The following AFG2A variants were observed in gnomAD, a reference collection of about 807,000 sequenced individuals.
AFG2A encodes the protein AAA ATPase AFG2A.
the AFG2A span, among the ~76,000 whole-genome samples, chr4:123,272,843 A>G: frequency 6.6e-6 from 1 of 152,184 alleles, no homozygotes; most frequent in Non-Finnish European, 1.5e-5. Context: ...ATTGGTAACT[A>G]GAGAGATAGT....
chr4:123,215,012 C>T, the AFG2A span, among the ~76,000 whole-genome samples: 145 of 152,070 alleles, frequency 9.5e-4, 1 homozygote, highest in Non-Finnish European at 1.7e-3. Flanking sequence ...AGCCCCCATG[C>T]TTTTTGTGCA....
the AFG2A span, among the ~76,000 whole-genome samples, chr4:123,260,708 A>C: frequency 6.6e-6 from 1 of 152,238 alleles, no homozygotes; most frequent in Non-Finnish European, 1.5e-5. Flanking sequence ...GTCAAACAAC[A>C]CATGTGAGAT....
At chr4:123,218,329 C>T in the AFG2A span, among the ~76,000 whole-genome samples, 12 of 152,216 alleles carry the variant, frequency 7.9e-5, no homozygotes, top group East Asian at 1.9e-3. Flanking sequence ...AATTTCACCT[C>T]CTTTTATCGT....
the AFG2A span, among the ~76,000 whole-genome samples, chr4:123,230,423 G>A: frequency 3.3e-5 from 5 of 151,970 alleles, no homozygotes; most frequent in African/African-American, 1.2e-4. Flanking sequence ...TGAGATTCCT[G>A]CAATTCAGTC....
At chr4:123,254,649 T>C in the AFG2A span, among the ~76,000 whole-genome samples, 1 of 152,220 alleles carries the variant, frequency 6.6e-6, no homozygotes, top group South Asian at 2.1e-4. Flanking sequence ...TTGAAATATT[T>C]AATTCATTGA....
At chr4:122,990,648 G>A in the AFG2A span, among the ~76,000 whole-genome samples, 1 of 152,126 alleles carries the variant, frequency 6.6e-6, no homozygotes, top group Non-Finnish European at 1.5e-5. Context: ...CAATGGTGCA[G>A]TCCTAGCTCA....
chr4:122,988,102 A>G, the AFG2A span, among the ~76,000 whole-genome samples: 1 of 151,108 alleles, frequency 6.6e-6, no homozygotes, highest in Non-Finnish European at 1.5e-5. Context: ...CACTTTCAAT[A>G]TATCATCTTA....
the AFG2A span, among the ~76,000 whole-genome samples, chr4:122,941,150 T>A: frequency 6.6e-6 from 1 of 151,428 alleles, no homozygotes; most frequent in Non-Finnish European, 1.5e-5. Flanking sequence ...TTTAAAGTAG[T>A]TTTTTCCAAT....
the AFG2A span, among the ~76,000 whole-genome samples, chr4:122,926,358 T>G: frequency 6.6e-6 from 1 of 152,258 alleles, no homozygotes. Flanking sequence ...GCTTTACTGT[T>G]AATGACCAGC....
the AFG2A span, among the ~76,000 whole-genome samples, chr4:122,991,499 A>G: frequency 1.3e-5 from 2 of 152,224 alleles, no homozygotes; most frequent in Non-Finnish European, 2.9e-5. Context: ...AAGTTTGTCC[A>G]CACCCAGTTA....
chr4:122,981,780 G>GGA, the AFG2A span, among the ~76,000 whole-genome samples: 16 of 151,904 alleles, frequency 1.1e-4, no homozygotes, highest in East Asian at 3.1e-3. Context: ...ATTGTAAATG[G>GGA]GATTTTCTTT....
the AFG2A span, among the ~76,000 whole-genome samples, chr4:122,960,893 A>G: frequency 6.6e-6 from 1 of 152,166 alleles, no homozygotes; most frequent in African/African-American, 2.4e-5. Flanking sequence ...AATATTTTTT[A>G]CTATTTTTTC....
At chr4:122,979,105 G>A in the AFG2A span, 5 of 1,128,606 alleles carry the variant, frequency 4.4e-6, no homozygotes, top group African/African-American at 6.3e-5. Flanking sequence ...TGCAGCCCTG[G>A]CCACGCCTCC....
chr4:123,050,208 A>G, the AFG2A span, among the ~76,000 whole-genome samples: 1 of 152,038 alleles, frequency 6.6e-6, no homozygotes, highest in Non-Finnish European at 1.5e-5. Context: ...GTTGAGATTT[A>G]TTTTGTGGTT....
the AFG2A span, among the ~76,000 whole-genome samples, chr4:123,086,757 C>T: frequency 6.6e-6 from 1 of 151,870 alleles, no homozygotes; most frequent in Non-Finnish European, 1.5e-5. Context: ...CCTTGCTTTT[C>T]AGTTTTGGAA....
the AFG2A span, among the ~76,000 whole-genome samples, chr4:123,119,207 C>T: frequency 6.6e-6 from 1 of 151,946 alleles, no homozygotes. Context: ...ATTTTGGAAT[C>T]AGTATTTTTT....
At chr4:123,308,334 AGACCT>A in the AFG2A span, among the ~76,000 whole-genome samples, 1 of 152,224 alleles carries the variant, frequency 6.6e-6, no homozygotes, top group Non-Finnish European at 1.5e-5. Context: ...GAACTTAAGA[AGACCT>A]GACAACATCT....
the AFG2A span, among the ~76,000 whole-genome samples, chr4:123,207,187 C>T: frequency 7.2e-5 from 11 of 152,006 alleles, no homozygotes; most frequent in South Asian, 2.1e-4. Flanking sequence ...AGTTGTTCTA[C>T]GTAAAAGTGA....
chr4:122,933,380 A>G, the AFG2A span: 1 of 1,331,996 alleles, frequency 7.5e-7, no homozygotes, highest in South Asian at 1.2e-5. Flanking sequence ...ATTTTACATC[A>G]CAGTTTAGTT....
Sources: allele counts gnomAD v4.1 joint callset (sites outside exome capture counted in the v4.1 genomes callset), GRCh38; gene constraint gnomAD v4.1.1; transcripts MANE v1.5; gene names NCBI Gene and HGNC (gene_info 2026-07-23, HGNC 2026-07-21).